ARHGAP6: variants seen among roughly 807,000 people sequenced by gnomAD.
The protein encoded by ARHGAP6 is rho GTPase-activating protein 6.
Under a neutral mutation model 55.7 loss-of-function variants are expected in ARHGAP6, and 16 were observed. The ratio of observed to expected loss-of-function variants is 0.29; its 90% confidence interval spans 0.19 to 0.44. ARHGAP6 has a LOEUF of 0.44. Ranked by LOEUF, ARHGAP6 falls within the 20% of genes least tolerant of loss-of-function variation. The pLI is 1.00. For synonymous variants in ARHGAP6, 382 were observed against 360.9 expected (o/e 1.06, Z -0.66); for missense variants, 698 against 808.9 (o/e 0.86, Z 1.66).
rs12556102 is a variant in ARHGAP6, at chrX:11,492,379, T to C, written c.588+171862A>G. ...CTAGGCAATATATGGTTTTAAATAA[T>C]TAGAAACCAAACATTCTATATCAGA... On this transcript the variant is annotated intron_variant, in intron 1 of 12. Transcript: ENST00000337414. Among the ~76,000 whole-genome samples the C allele has an allele frequency of 4.7e-3, 522 of 111,874 alleles. 1 individual carries two copies. The highest frequency in any genetic ancestry group is 9.5e-3 in the Admixed American group (99 of 10,475).
In ARHGAP6 at chrX:11,179,309, G is replaced by A. The variant is rs770012365; in HGVS notation, c.1473C>T (p.Asn491=). The stretch of plus-strand genomic sequence containing the variant: ...TATGGCTGTATTACGCACAGAGAGT[G>A]TTGATGAAAGCTGTGTACAGCTCCC... ...LTRELYTAFI[N]TLLLEPEEQL... Residue 491 remains asparagine, a synonymous_variant, in exon 7 of 13, where the codon AAC becomes AAT. Coordinates refer to ENST00000337414, the MANE Select transcript of ARHGAP6 (RefSeq NM_013427.3). The A allele has an allele frequency of 1.0e-5, 12 of 1,202,237 alleles. No homozygotes were observed. In the Admixed American group the frequency reaches 2.7e-4, roughly 27 times the overall value.
chrX:11,649,521 C>G (rs2052563251), intron 1 of ARHGAP6, among the ~76,000 whole-genome samples: 1 of 111,640 alleles, frequency 9.0e-6, no homozygotes, highest in African/African-American at 3.3e-5. Flanking sequence ...TTCCAAGATA[C>G]AGCTTTACTT....
At chrX:11,181,154 C>A (rs2046309266) in intron 6 of ARHGAP6, among the ~76,000 whole-genome samples, 1 of 111,705 alleles carries the variant, frequency 9.0e-6, no homozygotes, top group Non-Finnish European at 1.9e-5. Context: ...AATGTTGATC[C>A]ATTTAATGTT....
chrX:11,295,410 C>T (rs781662544), intron 1 of ARHGAP6, among the ~76,000 whole-genome samples: 2 of 111,062 alleles, frequency 1.8e-5, no homozygotes, highest in South Asian at 7.8e-4. Context: ...TTTGTGGTTG[C>T]CCGGGATCCT....
intron 1 of ARHGAP6, among the ~76,000 whole-genome samples, chrX:11,613,142 A>G (rs1267196040): frequency 8.9e-6 from 1 of 112,235 alleles, no homozygotes. Flanking sequence ...GGCCCATAGC[A>G]GCCATATTTG....
At chrX:11,335,229 T>A (rs2048616438) in intron 1 of ARHGAP6, 1 of 140,386 alleles carries the variant, frequency 7.1e-6, no homozygotes, top group Admixed American at 8.7e-5. Context: ...TTGTCTAAAT[T>A]TTTTTATTAT....
intron 2 of ARHGAP6, among the ~76,000 whole-genome samples, chrX:11,220,961 A>T (rs2046961218): frequency 9.0e-6 from 1 of 110,832 alleles, no homozygotes; most frequent in Non-Finnish European, 1.9e-5. Context: ...ATGGAAAACA[A>T]AAAAAGGCAG....
At chrX:11,340,598 G>A (rs1049042845) in intron 1 of ARHGAP6, among the ~76,000 whole-genome samples, 2 of 108,145 alleles carry the variant, frequency 1.8e-5, no homozygotes, top group Admixed American at 9.7e-5. Flanking sequence ...GCGTAGTGGC[G>A]GGCGCCTGTA....
chrX:11,247,184 T>G (rs2047365322), intron 2 of ARHGAP6, among the ~76,000 whole-genome samples: 1 of 111,851 alleles, frequency 8.9e-6, no homozygotes. Flanking sequence ...TACTCTTTTA[T>G]GAGACTCTTC....
At chrX:11,275,977 C>G (rs2047758511) in intron 1 of ARHGAP6, among the ~76,000 whole-genome samples, 1 of 111,627 alleles carries the variant, frequency 9.0e-6, no homozygotes, top group Non-Finnish European at 1.9e-5. Context: ...TACTATGGAC[C>G]TATAAGGAAC....
At chrX:11,550,046 A>G (rs2051250965) in intron 1 of ARHGAP6, among the ~76,000 whole-genome samples, 1 of 112,229 alleles carries the variant, frequency 8.9e-6, no homozygotes, top group African/African-American at 3.2e-5. Flanking sequence ...TGAATGAATG[A>G]GTAAAAAACA....
At chrX:11,559,628 C>A (rs897326731) in intron 1 of ARHGAP6, among the ~76,000 whole-genome samples, 1 of 111,420 alleles carries the variant, frequency 9.0e-6, no homozygotes, top group Non-Finnish European at 1.9e-5. Context: ...ACTGTCTGTT[C>A]AACAAATAAA....
chrX:11,520,042 G>C (rs1258672490), intron 1 of ARHGAP6, among the ~76,000 whole-genome samples: 1 of 91,790 alleles, frequency 1.1e-5, no homozygotes, highest in Admixed American at 1.2e-4. Context: ...CCATCAGAGT[G>C]AACAGGCAAC....
intron 1 of ARHGAP6, among the ~76,000 whole-genome samples, chrX:11,493,078 G>A (rs2050587549): frequency 8.9e-6 from 1 of 111,999 alleles, no homozygotes; most frequent in Non-Finnish European, 1.9e-5. Flanking sequence ...GTTGGGCCAC[G>A]ATGCAGAGAA....
At chrX:11,615,211 C>T (rs2052149273) in intron 1 of ARHGAP6, among the ~76,000 whole-genome samples, 1 of 111,766 alleles carries the variant, frequency 8.9e-6, no homozygotes, top group Admixed American at 9.5e-5. Flanking sequence ...CTTTCTCAGG[C>T]CTTTCTCTGA....
intron 2 of ARHGAP6, among the ~76,000 whole-genome samples, chrX:11,226,167 A>C (rs1363912637): frequency 6.7e-5 from 5 of 74,502 alleles, no homozygotes; most frequent in Admixed American, 1.8e-4. Flanking sequence ...AACAGTCCCC[A>C]GAGTGTGATG....
At chrX:11,389,184 AT>A (rs1454593085) in intron 1 of ARHGAP6, among the ~76,000 whole-genome samples, 1 of 111,969 alleles carries the variant, frequency 8.9e-6, no homozygotes, top group Non-Finnish European at 1.9e-5. Context: ...GTAAAGAATT[AT>A]CCAGTCCAAA....
chrX:11,167,203 C>CA (rs1200810558), intron 9 of ARHGAP6, among the ~76,000 whole-genome samples: 1 of 111,065 alleles, frequency 9.0e-6, no homozygotes, highest in Non-Finnish European at 1.9e-5. Flanking sequence ...AGAAATGGAC[C>CA]AAAAAAATCA....
intron 1 of ARHGAP6, among the ~76,000 whole-genome samples, chrX:11,353,851 C>G (rs1234744658): frequency 9.0e-6 from 1 of 110,505 alleles, no homozygotes; most frequent in Non-Finnish European, 1.9e-5. Flanking sequence ...GTGGGTGAAG[C>G]CATATTCTAG....
Sources: allele counts gnomAD v4.1 joint callset (sites outside exome capture counted in the v4.1 genomes callset), GRCh38; gene constraint gnomAD v4.1.1; transcripts MANE v1.5; gene names NCBI Gene and HGNC (gene_info 2026-07-23, HGNC 2026-07-21).